SPATA13: variants seen among roughly 807,000 people sequenced by gnomAD.
SPATA13 encodes the protein spermatogenesis-associated protein 13.
In SPATA13, 50 loss-of-function variants were observed where a neutral mutation model predicts 104.0. That is an observed-to-expected ratio of 0.48 (90% confidence interval 0.38 to 0.61). SPATA13 has a LOEUF of 0.61. Among genes scored for constraint, SPATA13 ranks in the 20% least tolerant of loss-of-function variants. The pLI is 0.00. For missense variants in SPATA13, 1,524 were observed against 1,690.6 expected (o/e 0.90, Z 1.73); for synonymous variants, 606 against 667.5 (o/e 0.91, Z 1.42).
Position 24,194,069 on chromosome 13 carries a change from C to T in SPATA13, c.-111-28750C>T, listed in dbSNP as rs115366341. ...AACTTTGCATCCATGGTTCAGTAGC[C>T]GAGTCTGTGGTGGGCACCTCATTGA... On this transcript the variant is annotated intron_variant, in intron 1 of 12. Coordinates refer to ENST00000382108, the MANE Select transcript of SPATA13 (RefSeq NM_001166271.3). Among the ~76,000 whole-genome samples the T allele has an allele frequency of 6.3e-3, 966 of 152,250 alleles. 15 individuals are homozygous for T. The highest frequency in any genetic ancestry group is 0.022 in the African/African-American group (922 of 41,546).
intron 4 of SPATA13, among the ~76,000 whole-genome samples, chr13:24,274,148 T>G (rs567574142): frequency 2.2e-4 from 34 of 152,302 alleles, no homozygotes; most frequent in Admixed American, 2.0e-3. Context: ...ACGCAGAGGT[T>G]TCCAGCCAAT....
intron 3 of SPATA13, among the ~76,000 whole-genome samples, chr13:24,033,189 C>G (rs1489177575): frequency 6.6e-6 from 1 of 152,218 alleles, no homozygotes; most frequent in Non-Finnish European, 1.5e-5. Context: ...TAAACTCCCA[C>G]TCTGTGTGAA....
At chr13:24,232,812 G>A (rs993957586) in intron 2 of SPATA13, among the ~76,000 whole-genome samples, 11 of 152,314 alleles carry the variant, frequency 7.2e-5, no homozygotes, top group Non-Finnish European at 7.3e-5. Context: ...GCCTCCCGGA[G>A]TGCTGAGATT....
chr13:24,177,761 AG>A (rs1375294567), intron 1 of SPATA13, among the ~76,000 whole-genome samples: 1 of 151,440 alleles, frequency 6.6e-6, no homozygotes, highest in African/African-American at 2.4e-5. Context: ...CTTTTTAATA[AG>A]GGCTCTAATC....
chr13:24,147,543 T>G (rs1327905145), intron 3 of SPATA13, among the ~76,000 whole-genome samples: 1 of 152,168 alleles, frequency 6.6e-6, no homozygotes. Flanking sequence ...TGTCTTCATA[T>G]CTCAGCAGGG....
chr13:24,084,741 G>A (rs982860530), intron 3 of SPATA13, among the ~76,000 whole-genome samples: 4 of 152,244 alleles, frequency 2.6e-5, no homozygotes, highest in Admixed American at 6.5e-5. Context: ...ATGAAGTGGC[G>A]CAGTGCAGTG....
chr13:24,076,434 T>A (rs2137772362), intron 3 of SPATA13, among the ~76,000 whole-genome samples: 1 of 152,200 alleles, frequency 6.6e-6, no homozygotes, highest in Non-Finnish European at 1.5e-5. Context: ...AAAACAGCTG[T>A]CCCAAAGGAT....
At chr13:24,016,970 A>T (rs998277248) in intron 2 of SPATA13, among the ~76,000 whole-genome samples, 1 of 152,202 alleles carries the variant, frequency 6.6e-6, no homozygotes, top group Non-Finnish European at 1.5e-5. Flanking sequence ...GGAGGGTGTG[A>T]TGAACACCAA....
chr13:24,150,561 T>C (rs1457128707), intron 3 of SPATA13, among the ~76,000 whole-genome samples: 1 of 152,206 alleles, frequency 6.6e-6, no homozygotes, highest in African/African-American at 2.4e-5. Context: ...ATTTTTTTTT[T>C]TAAGGAATTG....
In SPATA13 at chr13:24,038,159, T is replaced by C. The variant is rs192245442; in HGVS notation, c.-112+20458T>C. On this transcript the variant is annotated intron_variant, in intron 3 of 14. Coordinates refer to the SPATA13 transcript ENST00000424834. Reference sequence around the variant, plus strand: ...CGATCTCCTGACCTCGTGATCCGCCTGCCTCGACCTCCGAAAGTGCTGGGA... The same window carrying C: ...CGATCTCCTGACCTCGTGATCCGCCCGCCTCGACCTCCGAAAGTGCTGGGA... Among the ~76,000 whole-genome samples, 1,040 of 152,204 alleles carry C rather than the reference T, an allele frequency of 6.8e-3. 7 individuals carry two copies. Among genetic ancestry groups the C allele is most frequent in the Non-Finnish European group, 8.5e-3 (577 of 68,022 alleles).
intron 3 of SPATA13, among the ~76,000 whole-genome samples, chr13:24,060,236 C>T (rs2137753249): frequency 1.3e-5 from 2 of 152,290 alleles, no homozygotes; most frequent in African/African-American, 4.8e-5. Context: ...AAAACAGGCA[C>T]ACAGGCCAGT....
intron 3 of SPATA13, among the ~76,000 whole-genome samples, chr13:24,077,075 G>A (rs1279129224): frequency 6.6e-6 from 1 of 151,884 alleles, no homozygotes; most frequent in Non-Finnish European, 1.5e-5. Context: ...GATCTCTGGT[G>A]GCTTAGAAGA....
chr13:23,990,894 C>A (rs946104306), intron 2 of SPATA13, among the ~76,000 whole-genome samples: 1 of 152,196 alleles, frequency 6.6e-6, no homozygotes, highest in African/African-American at 2.4e-5. Context: ...CATTCAGAGT[C>A]TTGGGATGAG....
intron 2 of SPATA13, among the ~76,000 whole-genome samples, chr13:24,008,604 C>A (rs1371113693): frequency 6.6e-6 from 1 of 152,006 alleles, no homozygotes; most frequent in Non-Finnish European, 1.5e-5. Context: ...AAGAAAAGAG[C>A]AATCTAGAGT....
chr13:24,040,569 A>G (rs1877883348), intron 3 of SPATA13, among the ~76,000 whole-genome samples: 1 of 152,120 alleles, frequency 6.6e-6, no homozygotes, highest in Non-Finnish European at 1.5e-5. Context: ...AAGGGTAAAT[A>G]GAGTCTTGGG....
At chr13:24,212,889 A>T (rs758124877) in intron 1 of SPATA13, among the ~76,000 whole-genome samples, 1 of 152,252 alleles carries the variant, frequency 6.6e-6, no homozygotes, top group African/African-American at 2.4e-5. Flanking sequence ...CACAGTAAAC[A>T]ACAGTCAAAC....
chr13:24,106,631 ATTGT>A (rs1339229400), intron 3 of SPATA13, among the ~76,000 whole-genome samples: 1 of 152,146 alleles, frequency 6.6e-6, no homozygotes, highest in Non-Finnish European at 1.5e-5. Flanking sequence ...CAATTCGGTG[ATTGT>A]TTGTTTCCAA....
chr13:23,991,262 C>T (rs572994715), intron 2 of SPATA13, among the ~76,000 whole-genome samples: 15 of 152,280 alleles, frequency 9.9e-5, no homozygotes, highest in Admixed American at 5.2e-4. Flanking sequence ...GTAATACATT[C>T]GTGTCCCTCT....
At chr13:24,046,238 A>G (rs1030005413) in intron 3 of SPATA13, among the ~76,000 whole-genome samples, 2 of 151,342 alleles carry the variant, frequency 1.3e-5, no homozygotes, top group Non-Finnish European at 2.9e-5. Context: ...CTCCTAGTCA[A>G]TTTCCCATCC....
Sources: allele counts gnomAD v4.1 joint callset (sites outside exome capture counted in the v4.1 genomes callset), GRCh38; gene constraint gnomAD v4.1.1; transcripts MANE v1.5; gene names NCBI Gene and HGNC (gene_info 2026-07-23, HGNC 2026-07-21).